Variants in PHF21A observed in about 807,000 individuals in gnomAD.
PHF21A encodes the protein PHD finger protein 21A, also known as BHC80a.
In PHF21A, 11 loss-of-function variants were observed where a neutral mutation model predicts 82.5. The observed-to-expected ratio is 0.13, with a 90% CI of 0.08 to 0.22. The LOEUF is 0.22. Among genes scored for constraint, PHF21A ranks in the 10% least tolerant of loss-of-function variants. The pLI is 1.00. For missense variants in PHF21A, 579 were observed against 837.8 expected (o/e 0.69, Z 3.81); for synonymous variants, 297 against 302.8 (o/e 0.98, Z 0.20).
chr11:45,976,425 T>C (rs971047774), intron 7 of PHF21A, among the ~76,000 whole-genome samples: 1 of 152,170 alleles, frequency 6.6e-6, no homozygotes, highest in Non-Finnish European at 1.5e-5. Context: ...TTGCACACAG[T>C]AGGAACTCCA....
intron 6 of PHF21A, among the ~76,000 whole-genome samples, chr11:45,995,836 G>T (rs1210127277): frequency 6.6e-6 from 1 of 151,910 alleles, no homozygotes; most frequent in Non-Finnish European, 1.5e-5. Flanking sequence ...ACAAATGATG[G>T]GAGCTTATTT....
chr11:46,076,614 C>T (rs1413056254), intron 6 of PHF21A, 140 bp downstream of exon 6: 1 of 637,980 alleles, frequency 1.6e-6, no homozygotes, highest in Non-Finnish European at 2.8e-6. Flanking sequence ...AAACAGAGCT[C>T]AAACAAAATT....
chr11:45,991,301 C>G (rs1187104678), intron 6 of PHF21A, among the ~76,000 whole-genome samples: 2 of 152,104 alleles, frequency 1.3e-5, no homozygotes, highest in Admixed American at 1.3e-4. Context: ...AATGTAGTAG[C>G]TAGTGAATTC....
intron 6 of PHF21A, among the ~76,000 whole-genome samples, chr11:45,993,222 C>T (rs1459297200): frequency 6.6e-6 from 1 of 151,912 alleles, no homozygotes; most frequent in Admixed American, 6.6e-5. Flanking sequence ...CTGAGTAGAC[C>T]CTAAATGAAA....
intron 5 of PHF21A, among the ~76,000 whole-genome samples, chr11:46,077,276 A>G (rs2096737469): frequency 6.6e-6 from 1 of 152,256 alleles, no homozygotes; most frequent in African/African-American, 2.4e-5. Flanking sequence ...TTAGCAAAGT[A>G]CATTTGTTAT....
chr11:45,956,906 G>A (rs970765052), intron 10 of PHF21A, among the ~76,000 whole-genome samples: 30 of 152,150 alleles, frequency 2.0e-4, no homozygotes, highest in Non-Finnish European at 2.8e-4. Context: ...CTAATGATAT[G>A]CTGTAAGAGA....
intron 6 of PHF21A, among the ~76,000 whole-genome samples, chr11:46,061,645 G>A (rs1214655028): frequency 9.9e-5 from 15 of 152,040 alleles, no homozygotes; most frequent in Non-Finnish European, 8.8e-5. Flanking sequence ...TGATATATTG[G>A]TCCACTTTCT....
At chr11:46,057,919 A>C (rs1262590545) in intron 6 of PHF21A, among the ~76,000 whole-genome samples, 3 of 152,204 alleles carry the variant, frequency 2.0e-5, no homozygotes, top group Non-Finnish European at 4.4e-5. Context: ...CTTAACTACC[A>C]ACCTGACAGG....
At position 46,084,516 on chromosome 11, in the gene PHF21A, A is replaced by G. The variant is rs371795100; in HGVS notation, c.-83-214T>C. ...AATGAAAAACCAAAAAAAGGGTTTA[A>G]TCTGGTCATGGAAACATCTAAGCAC... On this transcript the variant is annotated intron_variant, in intron 3 of 18. Transcript: ENST00000676320. Among the ~76,000 whole-genome samples the G allele has an allele frequency of 6.6e-4, 101 of 152,254 alleles. No individual in the cohort carries two copies. In the South Asian group the frequency reaches 0.02, roughly 31 times the overall value.
chr11:46,030,221 T>A (rs2095837533), intron 6 of PHF21A, among the ~76,000 whole-genome samples: 1 of 152,214 alleles, frequency 6.6e-6, no homozygotes. Flanking sequence ...ATCCAGAGAA[T>A]AAGACCAAGG....
At chr11:45,977,059 T>C (rs1285988772) in intron 7 of PHF21A, among the ~76,000 whole-genome samples, 1 of 152,126 alleles carries the variant, frequency 6.6e-6, no homozygotes, top group East Asian at 1.9e-4. Context: ...CCTGGGCCTC[T>C]TACCATTCAC....
intron 6 of PHF21A, among the ~76,000 whole-genome samples, chr11:46,051,032 T>C (rs1024575941): frequency 1.6e-4 from 25 of 152,204 alleles, no homozygotes; most frequent in African/African-American, 4.8e-4. Context: ...ACTTCTGTTA[T>C]CTTAAATTTC....
chr11:46,098,611 G>A (rs1024780855), intron 1 of PHF21A, among the ~76,000 whole-genome samples: 4 of 152,052 alleles, frequency 2.6e-5, no homozygotes, highest in African/African-American at 9.7e-5. Flanking sequence ...TGATCATAAC[G>A]AAAACTTCTT....
rs2090940869 is a variant in PHF21A, at chr11:45,944,330, G to A, written c.1452+1510C>T. Among the ~76,000 whole-genome samples the A allele has an allele frequency of 3.3e-5, 5 of 152,276 alleles. No individual in the cohort carries two copies. In the South Asian group the frequency reaches 1.0e-3, roughly 32 times the overall value. ...TCCCCTAAAATAAGTGTGTATGGTAGGTGAGAAGCATAGGCAAAATGTTAA... is the reference window on the plus strand; with the variant it reads ...TCCCCTAAAATAAGTGTGTATGGTAAGTGAGAAGCATAGGCAAAATGTTAA... On this transcript the variant is annotated intron_variant, in intron 15 of 18. Transcript: ENST00000676320.
chr11:45,944,526 C>T (rs571545752), intron 15 of PHF21A, among the ~76,000 whole-genome samples: 112 of 152,308 alleles, frequency 7.4e-4, no homozygotes, highest in African/African-American at 2.5e-3. Flanking sequence ...CAAAGCCCTG[C>T]GCAACTGGCC....
At chr11:46,068,261 T>C (rs1441039572) in intron 6 of PHF21A, among the ~76,000 whole-genome samples, 2 of 152,020 alleles carry the variant, frequency 1.3e-5, no homozygotes, top group African/African-American at 2.4e-5. Context: ...GAGTAAACTC[T>C]CAATAAATAT....
At chr11:45,938,083 G>C (rs375262339) in intron 16 of PHF21A, 74 bp downstream of exon 16, 1 of 1,305,674 alleles carries the variant, frequency 7.7e-7, no homozygotes, top group East Asian at 2.4e-5. Flanking sequence ...CCATTTCCCC[G>C]GGAAAGGAAT....
At chr11:45,959,287 T>G (rs947545950) in intron 10 of PHF21A, among the ~76,000 whole-genome samples, 1 of 152,278 alleles carries the variant, frequency 6.6e-6, no homozygotes, top group Non-Finnish European at 1.5e-5. Context: ...CATTTCACTA[T>G]GTATATGTAT....
intron 1 of PHF21A, among the ~76,000 whole-genome samples, chr11:46,111,064 C>T (rs1328171483): frequency 3.3e-5 from 5 of 151,474 alleles, no homozygotes; most frequent in Non-Finnish European, 7.4e-5. Flanking sequence ...GGATTACAGG[C>T]GTGAGCCACC....
Sources: allele counts gnomAD v4.1 joint callset (sites outside exome capture counted in the v4.1 genomes callset), GRCh38; gene constraint gnomAD v4.1.1; transcripts MANE v1.5; gene names NCBI Gene and HGNC (gene_info 2026-07-23, HGNC 2026-07-21).